DIAPH2: variants seen among roughly 807,000 people sequenced by gnomAD.
DIAPH2 encodes diaphanous related formin 2, also known as protein diaphanous homolog 2.
In DIAPH2, 35 loss-of-function variants were observed where a neutral mutation model predicts 92.7. The observed-to-expected ratio is 0.38, with a 90% CI of 0.29 to 0.50. The LOEUF (loss-of-function observed/expected upper bound fraction) is 0.50, where lower values mean the gene tolerates loss of function less well. Among genes scored for constraint, DIAPH2 ranks in the 20% least tolerant of loss-of-function variants. The pLI is 0.94. For synonymous variants in DIAPH2, 301 were observed against 280.4 expected (o/e 1.07, Z -0.73); for missense variants, 701 against 819.5 (o/e 0.86, Z 1.77).
At chrX:97,242,671 C>A (rs1268791806) in intron 22 of DIAPH2, among the ~76,000 whole-genome samples, 1 of 108,835 alleles carries the variant, frequency 9.2e-6, no homozygotes, top group African/African-American at 3.3e-5. Flanking sequence ...TGGCCTCTAA[C>A]CTACTTTTCT....
chrX:97,429,325 G>C (rs1397058395), intron 25 of DIAPH2, among the ~76,000 whole-genome samples: 1 of 111,565 alleles, frequency 9.0e-6, no homozygotes, highest in Admixed American at 9.6e-5. Flanking sequence ...TTCTTGGTTA[G>C]GAATATCTTA....
At chrX:97,546,850 T>G (rs2071185356) in intron 26 of DIAPH2, among the ~76,000 whole-genome samples, 1 of 110,134 alleles carries the variant, frequency 9.1e-6, no homozygotes, top group South Asian at 4.0e-4. Context: ...AAAAAAAAGT[T>G]ACAATCATGT....
At chrX:97,318,098 T>C (rs1602502837) in intron 23 of DIAPH2, among the ~76,000 whole-genome samples, 1 of 111,915 alleles carries the variant, frequency 8.9e-6, no homozygotes, top group Non-Finnish European at 1.9e-5. Flanking sequence ...ATCCTTCCCT[T>C]CCTCTTCCCC....
chrX:96,887,944 G>C (rs1158622736), intron 5 of DIAPH2, among the ~76,000 whole-genome samples: 1 of 110,560 alleles, frequency 9.0e-6, no homozygotes, highest in Non-Finnish European at 1.9e-5. Flanking sequence ...AGTAGGAGTT[G>C]TGTGTATGTG....
At chrX:97,172,642 G>A (rs1413769877) in intron 22 of DIAPH2, among the ~76,000 whole-genome samples, 2 of 111,990 alleles carry the variant, frequency 1.8e-5, no homozygotes, top group African/African-American at 6.5e-5. Flanking sequence ...GAAAACAAAG[G>A]TTTAAATTTT....
chrX:97,181,920 G>A (rs1323242930), intron 22 of DIAPH2, among the ~76,000 whole-genome samples: 2 of 112,457 alleles, frequency 1.8e-5, no homozygotes, highest in African/African-American at 6.5e-5. Flanking sequence ...ATCATATTCT[G>A]TAGGATAGTT....
chrX:97,088,105 A>G (rs1239140750), intron 19 of DIAPH2, among the ~76,000 whole-genome samples: 1 of 111,705 alleles, frequency 9.0e-6, no homozygotes, highest in Non-Finnish European at 1.9e-5. Flanking sequence ...AATGATTGCC[A>G]CCTGTTTTCT....
intron 26 of DIAPH2, among the ~76,000 whole-genome samples, chrX:97,451,940 T>G (rs1220877175): frequency 8.9e-6 from 1 of 111,906 alleles, no homozygotes; most frequent in Non-Finnish European, 1.9e-5. Context: ...TGGAAAATGT[T>G]TTATTTTCCT....
At chrX:97,161,060 T>G (rs772958708) in intron 22 of DIAPH2, among the ~76,000 whole-genome samples, 65 of 105,306 alleles carry the variant, frequency 6.2e-4, no homozygotes, top group African/African-American at 2.2e-3. Context: ...TGTTTTTTTT[T>G]TTTTTTTCCT....
intron 11 of DIAPH2, among the ~76,000 whole-genome samples, chrX:96,938,395 CTTTACATAGA>C (rs1420860635): frequency 9.0e-6 from 1 of 111,600 alleles, no homozygotes; most frequent in African/African-American, 3.3e-5. Context: ...TAATATCTTG[CTTTACATAGA>C]TTCCTCTTAT....
chrX:97,120,499 C>T (rs375219183), intron 21 of DIAPH2, among the ~76,000 whole-genome samples: 1 of 109,780 alleles, frequency 9.1e-6, no homozygotes, highest in East Asian at 2.9e-4. Context: ...CGCAAGCCTC[C>T]GCACGCTTCT....
intron 22 of DIAPH2, among the ~76,000 whole-genome samples, chrX:97,162,044 G>A (rs1321955610): frequency 9.0e-6 from 1 of 110,534 alleles, no homozygotes; most frequent in Non-Finnish European, 1.9e-5. Context: ...CTTTTTATAT[G>A]ACTTCTTAAT....
intron 17 of DIAPH2, among the ~76,000 whole-genome samples, chrX:97,015,101 T>G (rs1250236155): frequency 1.8e-5 from 2 of 111,909 alleles, no homozygotes; most frequent in Non-Finnish European, 3.8e-5. Context: ...TGGATAATGA[T>G]TACATGAAAA....
At chrX:97,126,049 G>C (rs2067092210) in intron 21 of DIAPH2, among the ~76,000 whole-genome samples, 1 of 111,878 alleles carries the variant, frequency 8.9e-6, no homozygotes, top group African/African-American at 3.3e-5. Flanking sequence ...TTCGTATTCT[G>C]TGAATTGCTA....
chrX:97,287,952 CAAAAAAAA>C (rs748309881), intron 23 of DIAPH2, among the ~76,000 whole-genome samples: 6 of 39,791 alleles, frequency 1.5e-4, no homozygotes, highest in African/African-American at 5.5e-4. Flanking sequence ...GACTCTGTCT[CAAAAAAAA>C]AAAAAAAAAA....
chrX:97,591,748 T>C (rs1377907767), intron 26 of DIAPH2, among the ~76,000 whole-genome samples: 1 of 112,216 alleles, frequency 8.9e-6, no homozygotes, highest in Non-Finnish European at 1.9e-5. Context: ...GTCACCTTTT[T>C]CTGTATTTTC....
At chrX:97,105,335 C>T (rs1353855452) in intron 20 of DIAPH2, among the ~76,000 whole-genome samples, 1 of 110,757 alleles carries the variant, frequency 9.0e-6, no homozygotes, top group Non-Finnish European at 1.9e-5. Context: ...ATAGAAAAAC[C>T]CAGAGACTTT....
intron 22 of DIAPH2, among the ~76,000 whole-genome samples, chrX:97,187,837 C>G (rs1033016703): frequency 2.7e-5 from 3 of 111,414 alleles, no homozygotes; most frequent in Admixed American, 9.6e-5. Flanking sequence ...ATTTTCCAAA[C>G]TTAGCAAGGT....
At chrX:97,510,649 C>T (rs1305758503) in intron 26 of DIAPH2, among the ~76,000 whole-genome samples, 2 of 101,458 alleles carry the variant, frequency 2.0e-5, no homozygotes, top group African/African-American at 3.6e-5. Context: ...TTAGGTCTAA[C>T]GTTTAAGTCT....
Sources: allele counts gnomAD v4.1 joint callset (sites outside exome capture counted in the v4.1 genomes callset), GRCh38; gene constraint gnomAD v4.1.1; transcripts MANE v1.5; gene names NCBI Gene and HGNC (gene_info 2026-07-23, HGNC 2026-07-21).